BAZ2A: variants seen among roughly 807,000 people sequenced by gnomAD.
BAZ2A encodes bromodomain adjacent to zinc finger domain protein 2A.
BAZ2A carries 34 observed loss-of-function variants against 199.9 expected under a neutral mutation model. The ratio of observed to expected loss-of-function variants is 0.17; its 90% CI spans 0.13 to 0.23. BAZ2A has a LOEUF of 0.23. BAZ2A is among the 10% of genes least tolerant of loss of function. BAZ2A has a pLI of 1.00. For synonymous variants in BAZ2A, 857 were observed against 883.9 expected (o/e 0.97, Z 0.54); for missense variants, 2,002 against 2,391.1 (o/e 0.84, Z 3.39).
At chr12:56,624,616 CAAA>C (rs67249064) in intron 1 of BAZ2A, among the ~76,000 whole-genome samples, 1 of 59,424 alleles carries the variant, frequency 1.7e-5, no homozygotes. Context: ...TTTCAGAGAA[CAAA>C]AAAAAAAAAA....
At position 56,605,995 on chromosome 12, in the gene BAZ2A, C is replaced by T. The variant is rs1379618338; in HGVS notation, c.2328G>A (p.Glu776=). 4.5e-6 allele frequency: 7 copies of T among 1,552,094 alleles called. No individual in the cohort carries two copies. Among genetic ancestry groups the T allele is most frequent in the Admixed American group, 3.9e-5 (2 of 50,974 alleles). The change falls in exon 13 of 29, where the codon GAG becomes GAA. Residue 776 remains glutamate (E), a synonymous_variant. Coordinates refer to ENST00000549884, the MANE Select transcript of BAZ2A (RefSeq NM_001300905.2). ...CCTCCTTTTCCTTCATTTTTACCTT[C>T]TCCTTCTTTTCCCTCTTGACTTTTT... The part of the protein sequence containing the change: ...LKEKVKREKK[E]KVKMKEKEEV...
At chr12:56,630,898 A>G (rs1044328004), upstream of BAZ2A, 62 of 975,902 alleles carry the variant, frequency 6.4e-5, no homozygotes, top group Non-Finnish European at 7.4e-5. Context: ...TCGGCTCTGG[A>G]ACCAGACAGC....
intron 1 of BAZ2A, 136 bp downstream of exon 1, chr12:56,629,989 G>A (rs1951251707): frequency 1.6e-6 from 1 of 637,866 alleles, no homozygotes; most frequent in African/African-American, 2.0e-5. Flanking sequence ...TTGGATCCTC[G>A]CAGGAAATAA....
rs770988134 is a variant in BAZ2A at position 56,617,553 on chromosome 12, G to A, written c.-2-21C>T. 21 of 1,582,516 alleles carry A rather than the reference G, an allele frequency of 1.3e-5. No homozygotes were observed. The Admixed American group carries it at 1.7e-4, about 13-fold the overall frequency. ...CATTTCTGCAGGAGGGGAGAGAGAGGGAAAAAAAATACTGGCGGTTAAACA... is the reference window on the plus strand; with the variant it reads ...CATTTCTGCAGGAGGGGAGAGAGAGAGAAAAAAAATACTGGCGGTTAAACA... On this transcript the variant is annotated intron_variant, in intron 1 of 28. Coordinates refer to ENST00000549884, the MANE Select transcript of BAZ2A (RefSeq NM_001300905.2).
intron 8 of BAZ2A, 34 bp from the exon 9 acceptor site, chr12:56,610,249 T>G: frequency 6.2e-7 from 1 of 1,610,772 alleles, no homozygotes. Flanking sequence ...ATTAATAAAG[T>G]TGGATCCTAC....
intron 1 of BAZ2A, among the ~76,000 whole-genome samples, chr12:56,621,643 C>T (rs1950924045): frequency 6.6e-6 from 1 of 151,968 alleles, no homozygotes; most frequent in Admixed American, 6.6e-5. Context: ...TAAATTAGAG[C>T]CCCAGCACAG....
Position 56,615,208 on chromosome 12 carries a change from T to C in BAZ2A, c.536A>G (p.Asn179Ser), listed in dbSNP as rs775108751. ...GGAGGTGAAAAAACTAGGGGGTCCA[T>C]TGGGCATCACCTCAAAATTCTGGTC... ...FPDQNFEVMPNGPPSFFTSPQ... is the reference protein window; with the variant it reads ...FPDQNFEVMPSGPPSFFTSPQ... The change falls in exon 3 of 29, where the codon AAT becomes AGT. Residue 179 changes from asparagine (N) to serine (S), a missense_variant. Physicochemically the swap from Asn to Ser is conservative, Grantham distance 46 (BLOSUM62 1). Coordinates refer to ENST00000549884, the MANE Select transcript of BAZ2A (RefSeq NM_001300905.2). The C allele has an allele frequency of 3.7e-6, 6 of 1,613,724 alleles. No homozygotes were observed. The highest frequency in any genetic ancestry group is 2.2e-5 in the East Asian group (1 of 44,860).
upstream of BAZ2A, chr12:56,638,229 A>G (rs892537400): frequency 2.0e-6 from 2 of 995,110 alleles, no homozygotes; most frequent in African/African-American, 1.9e-5. Context: ...GAAAGAATAT[A>G]TCTTCAATCA....
intron 1 of BAZ2A, among the ~76,000 whole-genome samples, chr12:56,625,784 G>C (rs1020564977): frequency 6.7e-6 from 1 of 149,136 alleles, no homozygotes; most frequent in Non-Finnish European, 1.5e-5. Flanking sequence ...GCTGAGGCAG[G>C]AGAATGGCGT....
rs1227234280 is a variant in BAZ2A at position 56,598,292 on chromosome 12, G to A, written c.*326C>T. On this transcript the variant is annotated 3_prime_UTR_variant, in exon 29 of 29. Transcript: ENST00000549884. The stretch of plus-strand genomic sequence containing the variant: ...CGTACAGGGGAGGAGAGGAAGCAGG[G>A]AGGAGGAAGTAGGGACGACTTTCCC... 1.7e-5 allele frequency: 5 copies of A among 290,636 alleles called. No individual in the cohort carries two copies. Among genetic ancestry groups the A allele is most frequent in the South Asian group, 1.1e-4 (3 of 26,742 alleles). The allele number at this position is 290,636 out of a possible 1,614,324, so 18.0% of individuals were successfully genotyped here. A position where few individuals can be genotyped will look rare whatever the true frequency, so the allele number is the denominator to read the frequency against.
In BAZ2A at chr12:56,598,869, C is replaced by T. The variant is rs926816737; in HGVS notation, c.5545G>A (p.Gly1849Arg). Residue 1849 changes from glycine to arginine, a missense_variant and splice_region_variant, in exon 28 of 29, where the codon GGG becomes AGG. Gly to Arg is a moderately radical substitution (Grantham distance 125). This residue lies in a region of BAZ2A where 76 missense variants were observed against 139.3 expected (regional missense o/e 0.55). Coordinates refer to ENST00000549884, the MANE Select transcript of BAZ2A (RefSeq NM_001300905.2). The stretch of plus-strand genomic sequence containing the variant: ...GGCGGTTCACCCACATCTACTTACC[C>T]TCCCCTGAGCAGCCGCTCCCGCATG... ...STMRERLLRG[G>R]YTSSEEFAAD... 8 of 1,606,452 alleles carry T rather than the reference C, an allele frequency of 5.0e-6. No homozygotes were observed. The highest frequency in any genetic ancestry group is 5.1e-6 in the Non-Finnish European group (6 of 1,176,504).
rs763723580 is a variant in BAZ2A at position 56,613,133 on chromosome 12, A to G, written c.1017T>C (p.Asp339=). The G allele has an allele frequency of 6.2e-6, 10 of 1,613,940 alleles. 1 individual carries two copies. The Admixed American group carries it at 1.2e-4, about 19-fold the overall frequency. Residue 339 remains aspartate, a synonymous_variant, in exon 5 of 29, where the codon GAT becomes GAC. Transcript: ENST00000549884. ...CAGTAGCATTATTGAGGGAAGGGCA[A>G]TCAAGGGCAGAAATCACAGGGCTGT... is the stretch of plus-strand genomic sequence containing the variant. ...LEDSPVISAL[D]CPSLNNATAF...
upstream of BAZ2A, among the ~76,000 whole-genome samples, chr12:56,631,450 CAAAAAAA>C (rs529753732): frequency 1.2e-5 from 1 of 81,590 alleles, no homozygotes; most frequent in Admixed American, 1.4e-4. Flanking sequence ...GACTCTATCT[CAAAAAAA>C]AAAAAAAAAA....
chr12:56,600,825 G>T lies in BAZ2A; in HGVS notation c.4458C>A (p.Ile1486=), dbSNP rs1385950722. The T allele has an allele frequency of 1.2e-5, 20 of 1,613,744 alleles. No individual in the cohort carries two copies. Among genetic ancestry groups the T allele is most frequent in the Non-Finnish European group, 1.7e-5 (20 of 1,179,752 alleles). Residue 1486 remains isoleucine, a synonymous_variant, in exon 23 of 29, where the codon ATC becomes ATA. Transcript: ENST00000549884. ...EVCLRPSADP[I]FEPRQLPAFQ... ...AGGCAGGTAGTTGCCTGGGCTCAAA[G>T]ATGGGGTCTGAGAAGAGAGGTGGCA...
rs1476964351 is a variant in BAZ2A at position 56,604,675 on chromosome 12, G to A, written c.2873C>T (p.Thr958Ile). 6.2e-7 allele frequency: 1 copy of A among 1,612,594 alleles called. No individual in the cohort carries two copies. The highest frequency in any genetic ancestry group is 8.5e-7 in the Non-Finnish European group (1 of 1,179,362). Residue 958 changes from threonine to isoleucine, a missense_variant, in exon 15 of 29, where the codon ACC (threonine) becomes ATC (isoleucine). Physicochemically the swap from Thr to Ile is moderately conservative, Grantham distance 89. Around this residue, in one of 6 missense-constraint regions of BAZ2A, gnomAD observed 1,081 missense variants for 1,274.7 expected, o/e 0.85. Transcript: ENST00000549884. ...VEPALCDRLR[T>I]QPFQAQPPQQ... ...GGGTGGCTGGGCCTGAAAAGGCTGG[G>A]TGCGCAGGCGGTCACAGAGGGCTGG...
intron 3 of BAZ2A, among the ~76,000 whole-genome samples, chr12:56,614,532 C>T (rs1011468046): frequency 3.9e-5 from 6 of 152,030 alleles, no homozygotes; most frequent in Non-Finnish European, 7.4e-5. Context: ...TGTACTAATG[C>T]TAAACAACAA....
At position 56,601,332 on chromosome 12, in the gene BAZ2A, G is replaced by A; in HGVS notation, c.4142C>T (p.Ala1381Val). 1 of 1,613,994 alleles carries A rather than the reference G, an allele frequency of 6.2e-7. No individual in the cohort carries two copies. Among genetic ancestry groups the A allele is most frequent in the Non-Finnish European group, 8.5e-7 (1 of 1,179,876 alleles). The change falls in exon 21 of 29, where the codon GCC (alanine) becomes GTC (valine). Residue 1381 changes from alanine to valine, a missense_variant. By Grantham distance (64) the Ala-to-Val change is moderately conservative. This residue lies in a region of BAZ2A where 1,081 missense variants were observed against 1,274.7 expected (regional missense o/e 0.85). Coordinates refer to ENST00000549884, the MANE Select transcript of BAZ2A (RefSeq NM_001300905.2). ...QFSSTPLAGL[A>V]PKRRAGDPGE... Reference sequence around the variant, plus strand: ...AGGGTCTCCTGCTCGCCTCTTAGGGGCCAACCCAGCCAAGGGCGTGGAAGA... The same window carrying A: ...AGGGTCTCCTGCTCGCCTCTTAGGGACCAACCCAGCCAAGGGCGTGGAAGA...
At chr12:56,612,753 G>C (rs911413807) in intron 5 of BAZ2A, among the ~76,000 whole-genome samples, 1 of 152,214 alleles carries the variant, frequency 6.6e-6, no homozygotes, top group East Asian at 1.9e-4. Flanking sequence ...CTCCCAGGTA[G>C]CTGGGATTAC....
rs557254127 is a variant in BAZ2A, at chr12:56,621,084, C to T, written c.-2-3552G>A. ...GCCTAGAGGGCCAATTTCATCTGAT[C>T]CTCACCTCTCCTCTCCCCAGTTTTT... On this transcript the variant is annotated intron_variant, in intron 1 of 28. Transcript: ENST00000549884. 3.0e-6 allele frequency: 3 copies of T among 985,388 alleles called. No individual in the cohort carries two copies. In the East Asian group the frequency reaches 3.4e-4, roughly 112 times the overall value. 61.0% of individuals were successfully genotyped at this position (985,388 alleles called of 1,614,324 possible).
Sources: allele counts gnomAD v4.1 joint callset (sites outside exome capture counted in the v4.1 genomes callset), GRCh38; gene constraint gnomAD v4.1.1; regional missense constraint gnomAD v4.1.1; transcripts MANE v1.5; gene names NCBI Gene and HGNC (gene_info 2026-07-23, HGNC 2026-07-21).